RUNX2: variants seen among roughly 807,000 people sequenced by gnomAD.
RUNX2 encodes RUNX family transcription factor 2.
A neutral mutation model predicts 51.7 loss-of-function variants in RUNX2; 10 were observed. The observed-to-expected ratio is 0.19, with a 90% CI of 0.12 to 0.33. The LOEUF (loss-of-function observed/expected upper bound fraction) is 0.33. Ranked by LOEUF, RUNX2 falls within the 10% of genes least tolerant of loss-of-function variation. The pLI, the probability that RUNX2 is intolerant of heterozygous loss-of-function variation, is 1.00. For synonymous variants in RUNX2, 276 were observed against 273.6 expected, an observed-to-expected ratio of 1.01 and a Z score of -0.09; for missense variants, 562 against 691.3, an observed-to-expected ratio of 0.81 and a Z score of 2.10.
intron 5 of RUNX2, among the ~76,000 whole-genome samples, chr6:45,446,628 C>T (rs570136037): frequency 6.6e-6 from 1 of 151,720 alleles, no homozygotes; most frequent in Non-Finnish European, 1.5e-5. Flanking sequence ...GAAGACTAGA[C>T]CAGTGAATAG....
chr6:45,506,883 T>G (rs1171976586), intron 6 of RUNX2, among the ~76,000 whole-genome samples: 2 of 152,080 alleles, frequency 1.3e-5, no homozygotes, highest in African/African-American at 4.8e-5. Flanking sequence ...CTCCAACTCC[T>G]GGGCTCAAGT....
chr6:45,423,955 A>G (rs933432337), intron 3 of RUNX2, among the ~76,000 whole-genome samples: 6 of 152,240 alleles, frequency 3.9e-5, no homozygotes, highest in Non-Finnish European at 8.8e-5. Flanking sequence ...TAGTTCGCCC[A>G]ACTTGAAAAC....
At chr6:45,376,679 A>G (rs1796821657) in intron 2 of RUNX2, among the ~76,000 whole-genome samples, 2 of 152,192 alleles carry the variant, frequency 1.3e-5, no homozygotes, top group Admixed American at 1.3e-4. Flanking sequence ...CCATTCTTGC[A>G]AAGTACTCTC....
At chr6:45,395,682 G>T (rs1179471619) in intron 2 of RUNX2, among the ~76,000 whole-genome samples, 1 of 152,112 alleles carries the variant, frequency 6.6e-6, no homozygotes, top group South Asian at 2.1e-4. Flanking sequence ...ACTTTTTTGA[G>T]ACAGGGTCTT....
chr6:45,389,587 T>C (rs545982650), intron 2 of RUNX2, among the ~76,000 whole-genome samples: 76 of 152,344 alleles, frequency 5.0e-4, no homozygotes, highest in African/African-American at 1.7e-3. Flanking sequence ...AGTTTATTTG[T>C]ACAATAAGTA....
chr6:45,457,571 G>A (rs987759739), intron 5 of RUNX2, among the ~76,000 whole-genome samples: 1 of 152,220 alleles, frequency 6.6e-6, no homozygotes, highest in African/African-American at 2.4e-5. Flanking sequence ...TGGAAAAGAA[G>A]AAGCATTCTT....
rs557131631 is a variant in RUNX2 at position 45,398,252 on chromosome 6, A to G, written c.59-24341A>G. Reference sequence around the variant, plus strand: ...ACTTGCTGCCTAGAGTTGTAGTGGGAGGTAGATGAGACGATCCATGCAGAG... The same window carrying G: ...ACTTGCTGCCTAGAGTTGTAGTGGGGGGTAGATGAGACGATCCATGCAGAG... On this transcript the variant is annotated intron_variant, in intron 2 of 8. Transcript: ENST00000647337. 6.6e-5 allele frequency among the ~76,000 whole-genome samples: 10 copies of G among 152,164 alleles called. No individual in the cohort carries two copies. The South Asian group carries it at 2.1e-3, about 32-fold the overall frequency.
intron 7 of RUNX2, among the ~76,000 whole-genome samples, chr6:45,522,494 C>A (rs966551060): frequency 5.9e-4 from 90 of 152,120 alleles, no homozygotes; most frequent in African/African-American, 2.1e-3. Context: ...ATTGCTTCAA[C>A]AATTACGTTT....
rs1308868001 is a variant in RUNX2, at chr6:45,396,810, CATCCATTTTGTAACATGT to C, written c.59-25779_59-25762del. ...CACTTACCACAGTGTTTTCAACCTT[CATCCATTTTGTAACATGT>C]ATCAGTATTTTATTCCTTTATATCA... On this transcript the variant is annotated intron_variant, in intron 2 of 8. Coordinates refer to ENST00000647337, the MANE Select transcript of RUNX2 (RefSeq NM_001024630.4). Among the ~76,000 whole-genome samples the C allele has an allele frequency of 1.4e-3, 216 of 152,316 alleles. 4 individuals are homozygous for C. Among genetic ancestry groups the C allele is most frequent in the Admixed American group, 0.014 (215 of 15,296 alleles).
chr6:45,449,928 AAG>A (rs1207894521), intron 5 of RUNX2, among the ~76,000 whole-genome samples: 40 of 152,318 alleles, frequency 2.6e-4, no homozygotes, highest in African/African-American at 8.4e-4. Flanking sequence ...AATAATAACA[AAG>A]AAGAAGACAG....
rs185095311 is a variant in RUNX2 at position 45,517,039 on chromosome 6, T to C, written c.1021+4632T>C. On this transcript the variant is annotated intron_variant, in intron 7 of 8. Coordinates refer to ENST00000647337, the MANE Select transcript of RUNX2 (RefSeq NM_001024630.4). The stretch of plus-strand genomic sequence containing the variant: ...CCTAAGTCTGTACCACTCTTTGGCA[T>C]AATGAAGTAGAAGGGATTTATACCT... Among the ~76,000 whole-genome samples, 3 of 152,260 alleles carry C rather than the reference T, an allele frequency of 2.0e-5. No homozygotes were observed. In the East Asian group the frequency reaches 5.8e-4, roughly 29 times the overall value.
intron 7 of RUNX2, among the ~76,000 whole-genome samples, chr6:45,520,824 G>T (rs1457580644): frequency 6.6e-6 from 1 of 152,040 alleles, no homozygotes; most frequent in African/African-American, 2.4e-5. Flanking sequence ...AGGTTCAAAA[G>T]ATTCTCTTGC....
intron 5 of RUNX2, among the ~76,000 whole-genome samples, chr6:45,491,076 T>G (rs1375921829): frequency 6.6e-6 from 1 of 152,208 alleles, no homozygotes; most frequent in Non-Finnish European, 1.5e-5. Flanking sequence ...TCTTGGTTTG[T>G]TTTAATTTGT....
intron 4 of RUNX2, among the ~76,000 whole-genome samples, chr6:45,434,219 T>G (rs967663270): frequency 2.6e-5 from 4 of 152,122 alleles, no homozygotes; most frequent in Admixed American, 6.5e-5. Context: ...ATGGGTCAGT[T>G]TTTCAGTGGC....
intron 2 of RUNX2, among the ~76,000 whole-genome samples, chr6:45,350,018 T>C (rs899618357): frequency 2.0e-5 from 3 of 152,206 alleles, no homozygotes; most frequent in East Asian, 3.8e-4. Flanking sequence ...AAATATAAAG[T>C]AGTATTGCCA....
chr6:45,544,547 A>AT (rs1210557967), intron 7 of RUNX2, among the ~76,000 whole-genome samples: 1 of 152,208 alleles, frequency 6.6e-6, no homozygotes, highest in Non-Finnish European at 1.5e-5. Context: ...TTACATTAAC[A>AT]TGTCTATCTG....
At chr6:45,413,589 C>T (rs567819571) in intron 2 of RUNX2, among the ~76,000 whole-genome samples, 4 of 151,896 alleles carry the variant, frequency 2.6e-5, no homozygotes, top group South Asian at 2.1e-4. Flanking sequence ...CGCTACCACA[C>T]CTGGCTAATT....
intron 2 of RUNX2, among the ~76,000 whole-genome samples, chr6:45,398,698 A>T (rs1258236216): frequency 1.3e-5 from 2 of 152,178 alleles, no homozygotes; most frequent in Admixed American, 1.3e-4. Flanking sequence ...CCTTCATGCT[A>T]GTTTGTCATC....
chr6:45,367,486 G>T (rs572871069), intron 2 of RUNX2, among the ~76,000 whole-genome samples: 474 of 152,106 alleles, frequency 3.1e-3, no homozygotes, highest in Non-Finnish European at 5.2e-3. Flanking sequence ...GTCCAAGACT[G>T]GGGGAAAACA....
Sources: gnomAD v4.1 joint callset for allele counts (sites outside exome capture counted in the v4.1 genomes callset) on GRCh38, gnomAD v4.1.1 for gene constraint, MANE v1.5 for transcripts, NCBI Gene and HGNC (gene_info 2026-07-23, HGNC 2026-07-21) for gene names.